The following SEMA3E variants were observed in gnomAD, a reference collection of about 807,000 sequenced individuals.
The protein encoded by SEMA3E is semaphorin-3E.
A neutral mutation model predicts 93.6 loss-of-function variants in SEMA3E; 49 were observed. That is an observed-to-expected ratio of 0.52 (90% CI 0.42 to 0.66). The LOEUF (loss-of-function observed/expected upper bound fraction) is 0.66, where lower values mean the gene tolerates loss of function less well. Ranked by LOEUF, SEMA3E falls within the 30% of genes least tolerant of loss-of-function variation. The probability of loss-of-function intolerance (pLI) is 0.00; values close to 1 mark genes in which losing one functional copy is unlikely to be tolerated. For missense variants in SEMA3E, 906 were observed against 964.8 expected, an observed-to-expected ratio of 0.94 and a Z score of 0.81; for synonymous variants, 363 against 330.7, an observed-to-expected ratio of 1.10 and a Z score of -1.06.
intron 1 of SEMA3E, among the ~76,000 whole-genome samples, chr7:83,637,893 T>C (rs1404332770): frequency 2.0e-5 from 3 of 151,800 alleles, no homozygotes; most frequent in African/African-American, 7.3e-5. Flanking sequence ...TGGGCTGGTG[T>C]CCAAGATCAA....
chr7:83,589,351 T>G (rs1243318449), intron 1 of SEMA3E, among the ~76,000 whole-genome samples: 1 of 152,166 alleles, frequency 6.6e-6, no homozygotes, highest in African/African-American at 2.4e-5. Flanking sequence ...CAGAGTATAA[T>G]TATCTATGAG....
intron 4 of SEMA3E, among the ~76,000 whole-genome samples, chr7:83,420,376 T>C (rs941435322): frequency 6.6e-6 from 1 of 152,186 alleles, no homozygotes; most frequent in Non-Finnish European, 1.5e-5. Context: ...ATGGCCATAC[T>C]GCCCAAAGCA....
At chr7:83,491,593 G>A (rs535128252) in intron 1 of SEMA3E, among the ~76,000 whole-genome samples, 1 of 151,956 alleles carries the variant, frequency 6.6e-6, no homozygotes, top group South Asian at 2.1e-4. Flanking sequence ...AATAATCTGA[G>A]AATAAGTTTT....
intron 4 of SEMA3E, among the ~76,000 whole-genome samples, chr7:83,422,955 T>C (rs1466553347): frequency 6.6e-6 from 1 of 152,210 alleles, no homozygotes; most frequent in Non-Finnish European, 1.5e-5. Context: ...GTTACAGGTT[T>C]TCATGACTAG....
chr7:83,585,153 C>A (rs1792598305), intron 1 of SEMA3E, among the ~76,000 whole-genome samples: 1 of 152,198 alleles, frequency 6.6e-6, no homozygotes, highest in Admixed American at 6.6e-5. Context: ...AAGTCCTTGT[C>A]TGTGCTTCTA....
Position 83,407,172 on chromosome 7 carries a change from G to A in SEMA3E, c.738C>T (p.Phe246=). 2 of 1,613,400 alleles carry A rather than the reference G, an allele frequency of 1.2e-6. No homozygotes were observed. The highest frequency in any genetic ancestry group is 1.7e-6 in the Non-Finnish European group (2 of 1,179,748). The change falls in exon 7 of 17, where the codon TTC becomes TTT. Residue 246 remains phenylalanine, a synonymous_variant. Transcript: ENST00000643230. The part of the protein sequence containing the change: ...NEDRDDNKVY[F]FFTEKALEAE... ...CCTCCAGTGCCTTCTCAGTAAAAAAGAAATATACTTTGTTGTCATCTCTGT... is the reference window on the plus strand; with the variant it reads ...CCTCCAGTGCCTTCTCAGTAAAAAAAAAATATACTTTGTTGTCATCTCTGT...
In SEMA3E at chr7:83,475,604, G is replaced by A. The variant is rs147723097; in HGVS notation, c.277-6302C>T. On this transcript the variant is annotated intron_variant, in intron 2 of 16. Coordinates refer to ENST00000643230, the MANE Select transcript of SEMA3E (RefSeq NM_012431.3). ...GCCACGCATCACCCCCTGCAGGACC[G>A]GAGGGGCAAGGACACTGATGGAAAC... 2.8e-3 allele frequency among the ~76,000 whole-genome samples: 418 copies of A among 151,946 alleles called. 3 individuals carry two copies. The highest frequency in any genetic ancestry group is 9.4e-3 in the African/African-American group (388 of 41,384).
intron 1 of SEMA3E, among the ~76,000 whole-genome samples, chr7:83,646,811 C>T (rs1052135540): frequency 1.3e-5 from 2 of 151,780 alleles, no homozygotes; most frequent in Non-Finnish European, 2.9e-5. Flanking sequence ...TAAAATGTGA[C>T]CTGTTGGAAA....
At chr7:83,620,463 T>C (rs1409940241) in intron 1 of SEMA3E, among the ~76,000 whole-genome samples, 2 of 152,018 alleles carry the variant, frequency 1.3e-5, no homozygotes, top group Non-Finnish European at 2.9e-5. Flanking sequence ...TTCCAAACAA[T>C]TGAAAAGGAG....
intron 14 of SEMA3E, among the ~76,000 whole-genome samples, chr7:83,387,915 G>T (rs1437415993): frequency 7.7e-6 from 1 of 129,876 alleles, no homozygotes; most frequent in Non-Finnish European, 1.5e-5. Flanking sequence ...TAAAATTCCA[G>T]AATATATGTA....
At chr7:83,606,953 T>A (rs1489738218) in intron 1 of SEMA3E, among the ~76,000 whole-genome samples, 1 of 152,198 alleles carries the variant, frequency 6.6e-6, no homozygotes, top group Non-Finnish European at 1.5e-5. Context: ...TTCTGTTATA[T>A]GTAGGCTACT....
chr7:83,604,981 A>T (rs1041209391), intron 1 of SEMA3E, among the ~76,000 whole-genome samples: 2 of 152,164 alleles, frequency 1.3e-5, no homozygotes, highest in Non-Finnish European at 2.9e-5. Context: ...TTTTGGCTGC[A>T]TAGGATTCCA....
intron 1 of SEMA3E, among the ~76,000 whole-genome samples, chr7:83,572,150 A>C (rs552402802): frequency 6.6e-6 from 1 of 152,330 alleles, no homozygotes; most frequent in East Asian, 1.9e-4. Flanking sequence ...CAAACTGCCC[A>C]AAGCAATTTA....
At chr7:83,607,424 T>C (rs1793147232) in intron 1 of SEMA3E, among the ~76,000 whole-genome samples, 1 of 152,232 alleles carries the variant, frequency 6.6e-6, no homozygotes, top group Non-Finnish European at 1.5e-5. Context: ...GCTTTGCCTA[T>C]GTTAATCATA....
At chr7:83,371,158 A>G (rs1045800573) in intron 16 of SEMA3E, among the ~76,000 whole-genome samples, 3 of 152,218 alleles carry the variant, frequency 2.0e-5, no homozygotes, top group Admixed American at 1.3e-4. Flanking sequence ...TGAAAGATCA[A>G]TCTCAGTGTT....
intron 1 of SEMA3E, among the ~76,000 whole-genome samples, chr7:83,552,777 A>G (rs1342179032): frequency 6.6e-6 from 1 of 152,028 alleles, no homozygotes; most frequent in African/African-American, 2.4e-5. Flanking sequence ...ACCCTGGCAA[A>G]TTTGTGGTCA....
At chr7:83,436,351 A>AAGAATG (rs1789005132) in intron 4 of SEMA3E, among the ~76,000 whole-genome samples, 1 of 150,550 alleles carries the variant, frequency 6.6e-6, no homozygotes. Context: ...GAATAGAAAT[A>AAGAATG]AGAATGAGAA....
chr7:83,385,806 A>C (rs1323922886), intron 15 of SEMA3E, among the ~76,000 whole-genome samples: 1 of 152,184 alleles, frequency 6.6e-6, no homozygotes, highest in Non-Finnish European at 1.5e-5. Context: ...ACAAAAGCAG[A>C]CACCAGAAAT....
At chr7:83,638,922 T>A (rs957697283) in intron 1 of SEMA3E, among the ~76,000 whole-genome samples, 1 of 150,672 alleles carries the variant, frequency 6.6e-6, no homozygotes, top group African/African-American at 2.4e-5. Flanking sequence ...CCATCCCGGC[T>A]AAAATGGTGA....
Sources: gnomAD v4.1 joint callset for allele counts (sites outside exome capture counted in the v4.1 genomes callset) on GRCh38, gnomAD v4.1.1 for gene constraint, MANE v1.5 for transcripts, NCBI Gene and HGNC (gene_info 2026-07-23, HGNC 2026-07-21) for gene names.